The following HERC3 variants were observed in gnomAD, a reference collection of about 807,000 sequenced individuals.
HERC3 encodes the protein probable E3 ubiquitin-protein ligase HERC3.
HERC3 carries 58 observed loss-of-function variants against 129.9 expected under a neutral mutation model. The observed-to-expected ratio is 0.45, with a 90% CI of 0.36 to 0.56. The LOEUF (loss-of-function observed/expected upper bound fraction) is 0.56. Ranked by LOEUF, HERC3 falls within the 20% of genes least tolerant of loss-of-function variation. The pLI is 0.00. For missense variants in HERC3, 835 were observed against 1,244.2 expected (o/e 0.67, Z 4.95); for synonymous variants, 430 against 451.0 (o/e 0.95, Z 0.59).
the HERC3 span, among the ~76,000 whole-genome samples, chr4:88,568,245 G>T: frequency 8.5e-5 from 13 of 152,188 alleles, no homozygotes; most frequent in Non-Finnish European, 1.9e-4. Context: ...CACAGCACTG[G>T]GTCTCTCCCT....
intron 16 of HERC3, among the ~76,000 whole-genome samples, chr4:88,673,837 C>T (rs1731868509): frequency 6.6e-6 from 1 of 152,174 alleles, no homozygotes; most frequent in African/African-American, 2.4e-5. Context: ...GCTACAGATT[C>T]GCGGCTTCTT....
At chr4:88,533,121 T>C in the HERC3 span, among the ~76,000 whole-genome samples, 1 of 152,208 alleles carries the variant, frequency 6.6e-6, no homozygotes, top group Non-Finnish European at 1.5e-5. Flanking sequence ...TCCACTGATG[T>C]ATGTCCAAGA....
At chr4:88,528,820 TC>T in the HERC3 span, among the ~76,000 whole-genome samples, 5 of 152,280 alleles carry the variant, frequency 3.3e-5, no homozygotes, top group African/African-American at 4.8e-5. Context: ...GCACAAGACT[TC>T]CGGTGTTATT....
At chr4:88,643,604 A>T (rs1233818702) in intron 3 of HERC3, among the ~76,000 whole-genome samples, 1 of 152,220 alleles carries the variant, frequency 6.6e-6, no homozygotes, top group Non-Finnish European at 1.5e-5. Context: ...TTGACTTTTG[A>T]TGGAAATGTA....
At chr4:88,568,536 A>C in the HERC3 span, among the ~76,000 whole-genome samples, 1 of 152,064 alleles carries the variant, frequency 6.6e-6, no homozygotes, top group Non-Finnish European at 1.5e-5. Context: ...TCTCAAGAAG[A>C]AGGAATCTCT....
chr4:88,619,995 A>G (rs558228595), intron 3 of HERC3, among the ~76,000 whole-genome samples: 1 of 152,358 alleles, frequency 6.6e-6, no homozygotes, highest in East Asian at 1.9e-4. Context: ...CTTGTAATAC[A>G]GTCAACTGGC....
the HERC3 span, among the ~76,000 whole-genome samples, chr4:88,532,984 A>T: frequency 6.6e-6 from 1 of 152,230 alleles, no homozygotes; most frequent in East Asian, 1.9e-4. Flanking sequence ...CACCAGGTGA[A>T]GTCCCACAGC....
chr4:88,653,412 A>T (rs1729507347), intron 6 of HERC3, among the ~76,000 whole-genome samples: 1 of 152,206 alleles, frequency 6.6e-6, no homozygotes, highest in African/African-American at 2.4e-5. Context: ...CTGGGTGAAA[A>T]ATGTTCCTGT....
the HERC3 span, among the ~76,000 whole-genome samples, chr4:88,568,207 A>G: frequency 1.3e-5 from 2 of 152,208 alleles, no homozygotes; most frequent in Non-Finnish European, 2.9e-5. Flanking sequence ...GACGGTGGCC[A>G]TGACCACTGG....
intron 14 of HERC3, 41 bp from the exon 15 acceptor site, chr4:88,669,819 A>G (rs1350269432): frequency 1.3e-6 from 2 of 1,563,088 alleles, no homozygotes; most frequent in Non-Finnish European, 1.8e-6. Flanking sequence ...ATACTTGCCC[A>G]AGATTACATG....
At chr4:88,704,863 C>CTTTCTTTTTTTTTTTTTTTTTTTTTT (rs1336673525) in intron 25 of HERC3, among the ~76,000 whole-genome samples, 1 of 130,672 alleles carries the variant, frequency 7.7e-6, no homozygotes, top group Non-Finnish European at 1.6e-5. Context: ...TTCTTTCTTT[C>CTTTCTTTTTTTTTTTTTTTTTTTTTT]TTTTTTTTTT....
At chr4:88,632,013 A>G in intron 3 of HERC3, among the ~76,000 whole-genome samples, 1 of 152,250 alleles carries the variant, frequency 6.6e-6, no homozygotes, top group South Asian at 2.1e-4. Context: ...TGAGATTACC[A>G]TTTTTTCCCC....
intron 3 of HERC3, among the ~76,000 whole-genome samples, chr4:88,626,258 G>A: frequency 6.6e-6 from 1 of 151,630 alleles, no homozygotes; most frequent in Non-Finnish European, 1.5e-5. Flanking sequence ...AAAGTCCAAG[G>A]CTGGTCTTGA....
At chr4:88,565,945 GT>G in the HERC3 span, among the ~76,000 whole-genome samples, 41 of 149,584 alleles carry the variant, frequency 2.7e-4, no homozygotes, top group African/African-American at 8.8e-4. Flanking sequence ...TCTGTTGCAT[GT>G]TTTTTTTTCC....
chr4:88,674,319 G>A lies in HERC3; in HGVS notation c.1912-1899G>A, dbSNP rs56025028. ...AATACAGACAAAACTGCTGATTGAT[G>A]TCTGAAATAACTGCATTACACCAAC... On this transcript the variant is annotated intron_variant, in intron 16 of 25. Transcript: ENST00000402738. Among the ~76,000 whole-genome samples the A allele has an allele frequency of 7.1e-4, 108 of 152,246 alleles. 1 individual carries two copies. The highest frequency in any genetic ancestry group is 2.4e-3 in the African/African-American group (98 of 41,560).
the HERC3 span, among the ~76,000 whole-genome samples, chr4:88,561,790 C>T: frequency 4.6e-5 from 7 of 152,086 alleles, no homozygotes; most frequent in Admixed American, 4.6e-4. Flanking sequence ...TGGTTTATTT[C>T]ATTTAACATA....
intron 2 of HERC3, among the ~76,000 whole-genome samples, chr4:88,600,757 C>A (rs892815217): frequency 2.5e-4 from 38 of 152,218 alleles, no homozygotes; most frequent in Non-Finnish European, 1.2e-4. Context: ...CTTGTTGATT[C>A]ATTAACATTG....
At chr4:88,582,553 AG>A in the HERC3 span, among the ~76,000 whole-genome samples, 1 of 152,212 alleles carries the variant, frequency 6.6e-6, no homozygotes, top group Non-Finnish European at 1.5e-5. Context: ...TTCTTTTAAA[AG>A]AAATGTAACT....
At chr4:88,619,999 A>G (rs1284366590) in intron 3 of HERC3, among the ~76,000 whole-genome samples, 7 of 152,350 alleles carry the variant, frequency 4.6e-5, no homozygotes, top group Admixed American at 1.3e-4. Context: ...TAATACAGTC[A>G]ACTGGCTGTT....
Sources: gnomAD v4.1 joint callset for allele counts (sites outside exome capture counted in the v4.1 genomes callset) on GRCh38, gnomAD v4.1.1 for gene constraint, MANE v1.5 for transcripts, NCBI Gene and HGNC (gene_info 2026-07-23, HGNC 2026-07-21) for gene names.